Variants in PTPRG observed in about 807,000 individuals in gnomAD.
PTPRG encodes the protein protein tyrosine phosphatase receptor type G.
Under a neutral mutation model 165.3 loss-of-function variants are expected in PTPRG, and 102 were observed. The observed-to-expected ratio is 0.62, with a 90% CI of 0.53 to 0.73. The LOEUF (loss-of-function observed/expected upper bound fraction) is 0.73. PTPRG is among the 30% of genes least tolerant of loss of function. PTPRG has a pLI of 0.00. For synonymous variants in PTPRG, 675 were observed against 669.5 expected, an observed-to-expected ratio of 1.01 and a Z score of -0.13; for missense variants, 1,866 against 1,861.4, an observed-to-expected ratio of 1.00 and a Z score of -0.05.
chr3:61,746,495 T>TA (rs1223721143), intron 1 of PTPRG, among the ~76,000 whole-genome samples: 6 of 152,112 alleles, frequency 3.9e-5, no homozygotes, highest in Admixed American at 1.3e-4. Context: ...TGGCAGAGTT[T>TA]AAATTTTGTC....
rs755187543 is a variant in PTPRG at position 62,267,823 on chromosome 3, A to G, written c.2874+4A>G. 5.0e-6 allele frequency: 8 copies of G among 1,611,936 alleles called. No individual in the cohort carries two copies. In the Admixed American group the frequency reaches 1.2e-4, roughly 24 times the overall value. ...GAACCTTGTGGAAAAAGGAAGAGTA[A>G]GAGCCTTTTGACTCACTATCTTAAT... On this transcript the variant is annotated splice_donor_region_variant and intron_variant, in intron 19 of 29. Transcript: ENST00000474889.
At chr3:61,992,668 C>T (rs905399148) in intron 3 of PTPRG, among the ~76,000 whole-genome samples, 2 of 152,236 alleles carry the variant, frequency 1.3e-5, no homozygotes, top group East Asian at 1.9e-4. Flanking sequence ...TACAGGAGTG[C>T]GCGCCACCAC....
At chr3:62,248,812 T>C (rs940293278) in intron 15 of PTPRG, among the ~76,000 whole-genome samples, 2 of 152,156 alleles carry the variant, frequency 1.3e-5, no homozygotes, top group African/African-American at 4.8e-5. Context: ...CAAAACAAAA[T>C]GTTGCTGCTA....
chr3:61,775,973 T>C (rs530313034), intron 2 of PTPRG, among the ~76,000 whole-genome samples: 124 of 151,722 alleles, frequency 8.2e-4, no homozygotes, highest in Non-Finnish European at 8.2e-4. Flanking sequence ...ATATAACTAA[T>C]GCTAAATGAC....
chr3:62,003,953 C>T (rs963424687), intron 4 of PTPRG, among the ~76,000 whole-genome samples: 2 of 152,236 alleles, frequency 1.3e-5, no homozygotes, highest in East Asian at 3.9e-4. Flanking sequence ...GAAAAAGAGG[C>T]TGTGGTGGTA....
At chr3:61,783,261 G>A (rs936648609) in intron 2 of PTPRG, among the ~76,000 whole-genome samples, 2 of 152,134 alleles carry the variant, frequency 1.3e-5, no homozygotes, top group African/African-American at 2.4e-5. Flanking sequence ...GATTGCTTGA[G>A]CCCAGGAGGT....
At position 62,286,139 on chromosome 3, in the gene PTPRG, A is replaced by T. The variant is rs1291251255; in HGVS notation, c.4055+3270A>T. 2.0e-5 allele frequency among the ~76,000 whole-genome samples: 3 copies of T among 152,156 alleles called. No individual in the cohort carries two copies. In the East Asian group the frequency reaches 5.8e-4, roughly 29 times the overall value. Reference sequence around the variant, plus strand: ...TTTTTTATTTTAATTTGGCCCTGAGATCAAAGAGTCTAAAGACTGCTGAGA... The same window carrying T: ...TTTTTTATTTTAATTTGGCCCTGAGTTCAAAGAGTCTAAAGACTGCTGAGA... On this transcript the variant is annotated intron_variant, in intron 28 of 29. Transcript: ENST00000474889.
At chr3:61,727,937 T>A (rs141008790) in intron 1 of PTPRG, among the ~76,000 whole-genome samples, 1 of 152,234 alleles carries the variant, frequency 6.6e-6, no homozygotes, top group Admixed American at 6.5e-5. Context: ...GGAAGGCTGG[T>A]CTACCTGTTT....
chr3:61,650,485 C>G (rs1702320743), intron 1 of PTPRG, among the ~76,000 whole-genome samples: 1 of 152,170 alleles, frequency 6.6e-6, no homozygotes, highest in African/African-American at 2.4e-5. Context: ...AAACTTGGCA[C>G]CTGATTTTAT....
intron 1 of PTPRG, among the ~76,000 whole-genome samples, chr3:61,607,361 A>G (rs537933124): frequency 1.3e-5 from 2 of 152,300 alleles, no homozygotes; most frequent in Admixed American, 6.5e-5. Flanking sequence ...AGAAAATGCC[A>G]TATGAATTCA....
chr3:62,188,527 G>T (rs1333064646), intron 8 of PTPRG, among the ~76,000 whole-genome samples: 2 of 152,120 alleles, frequency 1.3e-5, no homozygotes, highest in Non-Finnish European at 2.9e-5. Flanking sequence ...CTGAGATTTG[G>T]GGTGAATTTT....
intron 28 of PTPRG, among the ~76,000 whole-genome samples, chr3:62,290,124 A>G (rs527323216): frequency 4.1e-4 from 62 of 152,288 alleles, no homozygotes; most frequent in Non-Finnish European, 7.1e-4. Flanking sequence ...AATAGGGGTA[A>G]TAAACTCTAA....
intron 4 of PTPRG, among the ~76,000 whole-genome samples, chr3:62,056,767 G>C (rs1431145092): frequency 6.6e-6 from 1 of 152,166 alleles, no homozygotes; most frequent in Non-Finnish European, 1.5e-5. Context: ...AGAGAGGAAT[G>C]ACATGTGGCT....
chr3:62,061,988 T>G (rs1575952629), intron 4 of PTPRG, among the ~76,000 whole-genome samples: 1 of 151,488 alleles, frequency 6.6e-6, no homozygotes, highest in African/African-American at 2.4e-5. Flanking sequence ...TGTTGGAGAG[T>G]GGCATTTTTC....
At chr3:62,041,710 A>G (rs891488871) in intron 4 of PTPRG, among the ~76,000 whole-genome samples, 3 of 152,222 alleles carry the variant, frequency 2.0e-5, no homozygotes, top group African/African-American at 7.2e-5. Flanking sequence ...ATCTTCTATT[A>G]GATGTCATAT....
chr3:61,974,581 C>A (rs933346679), intron 2 of PTPRG, among the ~76,000 whole-genome samples: 1 of 152,010 alleles, frequency 6.6e-6, no homozygotes, highest in Admixed American at 6.6e-5. Context: ...TAAATATGTC[C>A]TTTATGGAAC....
intron 5 of PTPRG, among the ~76,000 whole-genome samples, chr3:62,125,377 C>T (rs937375244): frequency 2.6e-5 from 4 of 152,220 alleles, no homozygotes; most frequent in Admixed American, 1.3e-4. Context: ...TTCTGGATTT[C>T]GAGCCTTTTG....
At chr3:62,201,611 T>A in intron 11 of PTPRG, 57 bp downstream of exon 11, 1 of 1,551,028 alleles carries the variant, frequency 6.4e-7, no homozygotes, top group Non-Finnish European at 8.9e-7. Flanking sequence ...TGCTTGCAGT[T>A]AAAACTGTCA....
intron 20 of PTPRG, among the ~76,000 whole-genome samples, chr3:62,269,726 A>G (rs1317408041): frequency 6.6e-6 from 1 of 152,132 alleles, no homozygotes; most frequent in Non-Finnish European, 1.5e-5. Context: ...ATTTTTGTGG[A>G]AATACTGTTT....
Sources: allele counts gnomAD v4.1 joint callset (sites outside exome capture counted in the v4.1 genomes callset), GRCh38; gene constraint gnomAD v4.1.1; transcripts MANE v1.5; gene names NCBI Gene and HGNC (gene_info 2026-07-23, HGNC 2026-07-21).